Variants in FAT1 observed in about 807,000 individuals in gnomAD.
FAT1 encodes the protein protocadherin Fat 1.
Under a neutral mutation model 329.8 loss-of-function variants are expected in FAT1, and 171 were observed. The observed-to-expected ratio is 0.52, with a 90% CI of 0.46 to 0.59. The LOEUF (loss-of-function observed/expected upper bound fraction) is 0.59, where lower values mean the gene tolerates loss of function less well. Among genes scored for constraint, FAT1 ranks in the 20% least tolerant of loss-of-function variants. The pLI, the probability that FAT1 is intolerant of heterozygous loss-of-function variation, is 0.00. For missense variants in FAT1, 5,672 were observed against 5,774.4 expected (o/e 0.98, Z 0.57); for synonymous variants, 2,233 against 2,228.6 (o/e 1.00, Z -0.06).
intron 3 of FAT1, 128 bp downstream of exon 3, chr4:186,663,171 G>T: frequency 1.2e-6 from 1 of 831,276 alleles, no homozygotes; most frequent in Non-Finnish European, 1.8e-6. Flanking sequence ...GGCTTATTTT[G>T]AATAATTCAA....
rs1258996733 is a variant in FAT1 at position 186,612,633 on chromosome 4, A to G, written c.9463+476T>C. 2.0e-5 allele frequency among the ~76,000 whole-genome samples: 3 copies of G among 152,364 alleles called. No individual in the cohort carries two copies. In the East Asian group the frequency reaches 5.8e-4, roughly 29 times the overall value. ...ACTTCTAGTTCCAACTATAATAAAT[A>G]AGGAATACTCAACCTGTGGTATGAC... On this transcript the variant is annotated intron_variant, in intron 13 of 26. Transcript: ENST00000441802.
rs2126524495 is a variant in FAT1, at chr4:186,621,351, C to T, written c.5235G>A (p.Leu1745=). 1 of 1,613,980 alleles carries T rather than the reference C, an allele frequency of 6.2e-7. No homozygotes were observed. Among genetic ancestry groups the T allele is most frequent in the African/African-American group, 1.3e-5 (1 of 75,052 alleles). ...GAACTAGAACCGTTGTATTAGTGGA[C>T]AAACCAGCCATGTTAGTTCCTTGTA... The part of the protein sequence containing the change: ...LIIQGTNMAG[L]STNTTVLVHL... Residue 1745 remains leucine (L), a synonymous_variant, in exon 10 of 27, where the codon TTG becomes TTA. Coordinates refer to ENST00000441802, the MANE Select transcript of FAT1 (RefSeq NM_005245.4).
chr4:186,601,189 C>T, intron 21 of FAT1, 80 bp downstream of exon 21: 1 of 1,280,354 alleles, frequency 7.8e-7, no homozygotes, highest in Non-Finnish European at 1.1e-6. Context: ...ATTATCTGTG[C>T]AAATTAACAA....
chr4:186,676,254 AAAAT>A (rs1742953073), intron 2 of FAT1, among the ~76,000 whole-genome samples: 1 of 151,610 alleles, frequency 6.6e-6, no homozygotes, highest in Admixed American at 6.6e-5. Context: ...TGATTTTAAA[AAAAT>A]AAATGTCAAT....
rs146633175 is a variant in FAT1 at position 186,668,611 on chromosome 4, A to C, written c.3266-4998T>G. On this transcript the variant is annotated intron_variant, in intron 2 of 26. Coordinates refer to ENST00000441802, the MANE Select transcript of FAT1 (RefSeq NM_005245.4). ...GGGAGTGACACACCAGCTGTCTCCA[A>C]GTATGACCGAAGCTGCCTTTACTCA... 2.2e-3 allele frequency among the ~76,000 whole-genome samples: 328 copies of C among 152,286 alleles called. 3 individuals are homozygous for C. The highest frequency in any genetic ancestry group is 3.2e-3 in the Non-Finnish European group (221 of 68,026).
At chr4:186,661,332 G>A (rs368012521) in intron 3 of FAT1, among the ~76,000 whole-genome samples, 4 of 152,184 alleles carry the variant, frequency 2.6e-5, no homozygotes, top group Non-Finnish European at 4.4e-5. Context: ...AGAGGGTCCC[G>A]CTCCATATCC....
chr4:186,683,145 T>C (rs148523524), intron 2 of FAT1, among the ~76,000 whole-genome samples: 54 of 152,338 alleles, frequency 3.5e-4, no homozygotes, highest in African/African-American at 1.2e-3. Flanking sequence ...CTTCAAATAG[T>C]TGGCTCTTCG....
intron 3 of FAT1, among the ~76,000 whole-genome samples, chr4:186,662,358 A>G (rs1742214694): frequency 6.6e-6 from 1 of 152,208 alleles, no homozygotes; most frequent in Non-Finnish European, 1.5e-5. Context: ...CCACTTGTGC[A>G]GTAAAGGAAC....
intron 20 of FAT1, chr4:186,601,836 C>T (rs1373873883): frequency 6.4e-6 from 1 of 157,190 alleles, no homozygotes; most frequent in Non-Finnish European, 1.4e-5. Context: ...GCAACTGTTA[C>T]ATAAAATTAT....
rs1417423748 is a variant in FAT1, at chr4:186,588,306, T to C, written c.*286A>G. 5 of 367,894 alleles carry C rather than the reference T, an allele frequency of 1.4e-5. No homozygotes were observed. The highest frequency in any genetic ancestry group is 2.5e-5 in the Non-Finnish European group (5 of 203,592). 22.8% of individuals were successfully genotyped at this position (367,894 alleles called of 1,614,324 possible). On this transcript the variant is annotated 3_prime_UTR_variant, in exon 27 of 27. Transcript: ENST00000441802. Reference sequence around the variant, plus strand: ...AAATAATCAAATCTATATAAATACATGAATCATGCTGACAACACAGGACTG... The same window carrying C: ...AAATAATCAAATCTATATAAATACACGAATCATGCTGACAACACAGGACTG...
In FAT1 at chr4:186,620,792, T is replaced by C. The variant is rs1740003599; in HGVS notation, c.5794A>G (p.Lys1932Glu). 1 of 1,613,922 alleles carries C rather than the reference T, an allele frequency of 6.2e-7. No individual in the cohort carries two copies. The highest frequency in any genetic ancestry group is 1.3e-5 in the African/African-American group (1 of 74,936). ...NIGEKFSMDY[K>E]TGALTVQNTT... ...TTTTGGACAGTGAGAGCACCAGTCTTGTAGTCCATAGAAAACTTCTCCCCG... is the reference window on the plus strand; with the variant it reads ...TTTTGGACAGTGAGAGCACCAGTCTCGTAGTCCATAGAAAACTTCTCCCCG... Residue 1932 changes from lysine to glutamate, a missense_variant, in exon 10 of 27, where the codon AAG becomes GAG. Physicochemically the swap from Lys to Glu is moderately conservative, Grantham distance 56 (BLOSUM62 1). Transcript: ENST00000441802.
Position 186,617,763 on chromosome 4 carries a change from A to C in FAT1, c.8823T>G (p.Ser2941Arg), listed in dbSNP as rs578128251. ...DPQGGVIAILSTTDADSEEIN... is the reference protein window; with the variant it reads ...DPQGGVIAILRTTDADSEEIN... ...TCTCTTCAGAATCAGCATCCGTGGT[A>C]CTTAAGATGGCAATCACCCCACCTT... The change falls in exon 10 of 27, where the codon AGT becomes AGG. Residue 2941 changes from serine (S) to arginine (R), a missense_variant. By Grantham distance (110) the Ser-to-Arg change is moderately radical. This residue lies in a region of FAT1 where 3,966 missense variants were observed against 3,915.2 expected (regional missense o/e 1.01). Transcript: ENST00000441802. The C allele has an allele frequency of 1.9e-5, 30 of 1,613,046 alleles. 1 individual carries two copies. In the South Asian group the frequency reaches 3.2e-4, roughly 17 times the overall value.
Position 186,603,908 on chromosome 4 carries a change from T to C in FAT1, c.10618A>G (p.Ile3540Val). The change falls in exon 19 of 27, where the codon ATC (isoleucine) becomes GTC (valine). Residue 3540 changes from isoleucine (I) to valine (V), a missense_variant. Ile to Val is a conservative substitution (Grantham distance 29, BLOSUM62 3). This residue lies in a region of FAT1 where 1,706 missense variants were observed against 1,859.1 expected (regional missense o/e 0.92). Transcript: ENST00000441802. Reference protein sequence around the residue: ...YIDIRVIEESIYPPAILPLEI... With the variant: ...YIDIRVIEESVYPPAILPLEI... The stretch of plus-strand genomic sequence containing the variant: ...AGGGGCAAAATCGCAGGCGGATAGA[T>C]GCTCTCCTCAATTACCCTAATGTCA... 6.2e-7 allele frequency: 1 copy of C among 1,613,938 alleles called. No homozygotes were observed. Among genetic ancestry groups the C allele is most frequent in the Non-Finnish European group, 8.5e-7 (1 of 1,179,824 alleles).
chr4:186,703,697 G>A (rs551882499), intron 2 of FAT1, among the ~76,000 whole-genome samples: 1 of 152,358 alleles, frequency 6.6e-6, no homozygotes, highest in African/African-American at 2.4e-5. Flanking sequence ...AAGGAGCGAA[G>A]TTCCAGCAAG....
At chr4:186,625,537 T>C (rs537664076) in intron 9 of FAT1, among the ~76,000 whole-genome samples, 1 of 152,218 alleles carries the variant, frequency 6.6e-6, no homozygotes, top group Non-Finnish European at 1.5e-5. Flanking sequence ...AATCTATACC[T>C]GTACCAATTC....
Position 186,618,075 on chromosome 4 carries a change from G to C in FAT1, c.8511C>G (p.Asp2837Glu), listed in dbSNP as rs2126490924. The C allele has an allele frequency of 6.2e-7, 1 of 1,614,008 alleles. No homozygotes were observed. Among genetic ancestry groups the C allele is most frequent in the Non-Finnish European group, 8.5e-7 (1 of 1,179,892 alleles). ...RVIQIRASDADSGTNGQVMYS... is the reference protein window; with the variant it reads ...RVIQIRASDAESGTNGQVMYS... Reference sequence around the variant, plus strand: ...ACATAACTTGGCCGTTGGTTCCTGAGTCAGCATCAGATGCCCTGATCTGAA... The same window carrying C: ...ACATAACTTGGCCGTTGGTTCCTGACTCAGCATCAGATGCCCTGATCTGAA... The change falls in exon 10 of 27, where the codon GAC becomes GAG. Residue 2837 changes from aspartate (D) to glutamate (E), a missense_variant. Around this residue, in one of 2 missense-constraint regions of FAT1, gnomAD observed 3,966 missense variants for 3,915.2 expected, o/e 1.01. Coordinates refer to ENST00000441802, the MANE Select transcript of FAT1 (RefSeq NM_005245.4).
intron 26 of FAT1, among the ~76,000 whole-genome samples, chr4:186,593,517 G>A (rs755797200): frequency 1.1e-4 from 16 of 152,184 alleles, no homozygotes; most frequent in Non-Finnish European, 2.9e-5. Context: ...TAAGGAAATT[G>A]AGATGAGGGA....
chr4:186,645,324 GT>G (rs1198008094), intron 3 of FAT1, among the ~76,000 whole-genome samples: 2 of 133,120 alleles, frequency 1.5e-5, no homozygotes, highest in Middle Eastern at 4.2e-3. Flanking sequence ...AATTTTGACA[GT>G]TTGTTAGCCA....
intron 1 of FAT1, among the ~76,000 whole-genome samples, chr4:186,721,755 G>A (rs891605112): frequency 1.3e-5 from 2 of 152,212 alleles, no homozygotes; most frequent in East Asian, 1.9e-4. Context: ...TGCTTCAAAG[G>A]GACCTCAAAG....
Sources: allele counts gnomAD v4.1 joint callset (sites outside exome capture counted in the v4.1 genomes callset), GRCh38; gene constraint gnomAD v4.1.1; regional missense constraint gnomAD v4.1.1; transcripts MANE v1.5; gene names NCBI Gene and HGNC (gene_info 2026-07-23, HGNC 2026-07-21).